METTL15: variants seen among roughly 807,000 people sequenced by gnomAD.
METTL15 encodes methyltransferase 15, mitochondrial 12S rRNA N4-cytidine.
Under a neutral mutation model 38.3 loss-of-function variants are expected in METTL15, and 34 were observed. The ratio of observed to expected loss-of-function variants is 0.89; its 90% CI spans 0.68 to 1.18. The LOEUF is 1.18. Among genes scored for constraint, METTL15 ranks in the 50% most tolerant of loss-of-function variants. The probability of loss-of-function intolerance (pLI) is 0.00; values close to 1 mark genes in which losing one functional copy is unlikely to be tolerated. For missense variants in METTL15, 438 were observed against 498.4 expected, an observed-to-expected ratio of 0.88 and a Z score of 1.15; for synonymous variants, 162 against 170.9, an observed-to-expected ratio of 0.95 and a Z score of 0.41.
intron 6 of METTL15, among the ~76,000 whole-genome samples, chr11:28,309,787 A>G (rs1041677994): frequency 6.6e-6 from 1 of 152,178 alleles, no homozygotes; most frequent in African/African-American, 2.4e-5. Flanking sequence ...CTTCAGAGAT[A>G]TCCCTGGGTC....
At chr11:28,217,071 A>T (rs1158773782) in intron 4 of METTL15, among the ~76,000 whole-genome samples, 1 of 152,146 alleles carries the variant, frequency 6.6e-6, no homozygotes, top group African/African-American at 2.4e-5. Flanking sequence ...CTTAGGGTAT[A>T]TACCCAGTAA....
At chr11:28,120,238 C>T (rs1852164250) in intron 3 of METTL15, among the ~76,000 whole-genome samples, 1 of 151,172 alleles carries the variant, frequency 6.6e-6, no homozygotes, top group African/African-American at 2.4e-5. Flanking sequence ...AGGTGTAAGC[C>T]ACTGTGCCCA....
intron 4 of METTL15, among the ~76,000 whole-genome samples, chr11:28,234,059 G>C (rs1011686718): frequency 6.6e-6 from 1 of 151,188 alleles, no homozygotes; most frequent in Non-Finnish European, 1.5e-5. Context: ...ATGGTGTTTG[G>C]TTTTTTGTCC....
intron 6 of METTL15, among the ~76,000 whole-genome samples, chr11:28,425,272 T>A (rs1188886119): frequency 6.6e-6 from 1 of 152,236 alleles, no homozygotes; most frequent in Non-Finnish European, 1.5e-5. Context: ...AAGTAATGTT[T>A]CCAAAATATG....
chr11:28,352,655 T>C (rs759421422), intron 4 of METTL15, among the ~76,000 whole-genome samples: 24 of 152,206 alleles, frequency 1.6e-4, no homozygotes, highest in Non-Finnish European at 3.2e-4. Context: ...TGAACTCTTC[T>C]ATCTCAGATT....
intron 4 of METTL15, among the ~76,000 whole-genome samples, chr11:28,352,709 A>G (rs1188453535): frequency 6.6e-6 from 1 of 151,838 alleles, no homozygotes; most frequent in Non-Finnish European, 1.5e-5. Context: ...CCTCTCCCCA[A>G]TCTTCACCCC....
chr11:28,203,472 C>CATATTA (rs1176853472), intron 3 of METTL15, among the ~76,000 whole-genome samples: 16 of 152,032 alleles, frequency 1.1e-4, no homozygotes, highest in African/African-American at 3.9e-4. Context: ...TATCTATCTT[C>CATATTA]ATATTAAGAA....
At chr11:28,240,625 G>A (rs1336390847) in intron 4 of METTL15, among the ~76,000 whole-genome samples, 1 of 152,140 alleles carries the variant, frequency 6.6e-6, no homozygotes, top group East Asian at 1.9e-4. Flanking sequence ...ATGCGTAAGA[G>A]CTTAGTGCTT....
intron 6 of METTL15, among the ~76,000 whole-genome samples, chr11:28,433,504 T>G (rs1328588983): frequency 6.6e-6 from 1 of 152,194 alleles, no homozygotes; most frequent in African/African-American, 2.4e-5. Context: ...ATGGGGATAA[T>G]ATCAGTTCCT....
chr11:28,409,534 G>T (rs1277851486), intron 5 of METTL15, among the ~76,000 whole-genome samples: 1 of 151,850 alleles, frequency 6.6e-6, no homozygotes, highest in African/African-American at 2.4e-5. Flanking sequence ...ACAACAAATG[G>T]ATCAAAGCAG....
At chr11:28,377,714 C>A (rs1054523119) in intron 5 of METTL15, among the ~76,000 whole-genome samples, 7 of 152,192 alleles carry the variant, frequency 4.6e-5, no homozygotes, top group Admixed American at 4.6e-4. Flanking sequence ...AGCTGCATTC[C>A]TTTGGATGAG....
At chr11:28,390,465 G>A (rs553506570) in intron 5 of METTL15, among the ~76,000 whole-genome samples, 2 of 152,216 alleles carry the variant, frequency 1.3e-5, no homozygotes, top group Admixed American at 6.5e-5. Context: ...AGTTTTCGCA[G>A]CACCATTTAT....
rs531021516 is a variant in METTL15, at chr11:28,135,035, A to G, written c.270+21431A>G. Among the ~76,000 whole-genome samples, 167 of 152,268 alleles carry G rather than the reference A, an allele frequency of 1.1e-3. 2 individuals carry two copies. Among genetic ancestry groups the G allele is most frequent in the African/African-American group, 3.6e-3 (151 of 41,568 alleles). On this transcript the variant is annotated intron_variant, in intron 3 of 6. Coordinates refer to ENST00000407364, the MANE Select transcript of METTL15 (RefSeq NM_001113528.2). ...TCACCCATCCCTTTTGTTTCTTCTG[A>G]GCTACAGCCAGTTATTGCTGGTTGG...
At chr11:28,116,877 C>T (rs1851986150) in intron 3 of METTL15, among the ~76,000 whole-genome samples, 1 of 152,144 alleles carries the variant, frequency 6.6e-6, no homozygotes, top group Non-Finnish European at 1.5e-5. Flanking sequence ...TCAGGTGATC[C>T]TTCCTGTCTC....
chr11:28,373,397 T>C (rs938576740), intron 5 of METTL15, among the ~76,000 whole-genome samples: 7 of 152,094 alleles, frequency 4.6e-5, no homozygotes, highest in Admixed American at 6.6e-5. Context: ...TTTCATGTGT[T>C]TTTTGGCTGC....
In METTL15 at chr11:28,296,751, A is replaced by C. The variant is rs754549562; in HGVS notation, c.600-2A>C. The C allele has an allele frequency of 1.9e-6, 3 of 1,612,760 alleles. No individual in the cohort carries two copies. ...GAACTAATTGGCTCTTCTTGTGCGT[A>C]GGTACCCTGACATGCCCACTGCTGC... On this transcript the variant is annotated splice_acceptor_variant, in intron 5 of 6. Coordinates refer to ENST00000407364, the MANE Select transcript of METTL15 (RefSeq NM_001113528.2). LOFTEE classifies it high-confidence loss of function.
At chr11:28,290,915 C>T (rs1291648415) in intron 5 of METTL15, among the ~76,000 whole-genome samples, 1 of 151,878 alleles carries the variant, frequency 6.6e-6, no homozygotes, top group Non-Finnish European at 1.5e-5. Context: ...GATATGATAT[C>T]AAACACAGTA....
intron 4 of METTL15, among the ~76,000 whole-genome samples, chr11:28,222,211 C>T (rs1270893628): frequency 2.0e-5 from 3 of 152,226 alleles, no homozygotes; most frequent in Non-Finnish European, 2.9e-5. Flanking sequence ...CCAGTTTGAG[C>T]TTCCCAGCTG....
chr11:28,465,213 C>T (rs1326753441), intron 6 of METTL15, among the ~76,000 whole-genome samples: 1 of 152,136 alleles, frequency 6.6e-6, no homozygotes, highest in Non-Finnish European at 1.5e-5. Context: ...CTGAAATACA[C>T]TCTTTCTTTT....
Sources: allele counts gnomAD v4.1 joint callset (sites outside exome capture counted in the v4.1 genomes callset), GRCh38; gene constraint gnomAD v4.1.1; transcripts MANE v1.5; gene names NCBI Gene and HGNC (gene_info 2026-07-23, HGNC 2026-07-21).